CSMD3: variants seen among roughly 807,000 people sequenced by gnomAD.
CSMD3 encodes CUB and Sushi multiple domains 3.
In CSMD3, 177 loss-of-function variants were observed where a neutral mutation model predicts 435.2. The ratio of observed to expected loss-of-function variants is 0.41; its 90% CI spans 0.36 to 0.46. The LOEUF (loss-of-function observed/expected upper bound fraction) is 0.46. Among genes scored for constraint, CSMD3 ranks in the 20% least tolerant of loss-of-function variants. CSMD3 has a pLI of 0.34. For synonymous variants in CSMD3, 1,656 were observed against 1,520.5 expected (o/e 1.09, Z -2.07); for missense variants, 4,265 against 4,504.6 (o/e 0.95, Z 1.52).
At chr8:113,236,593 G>C (rs2093153039) in intron 3 of CSMD3, among the ~76,000 whole-genome samples, 1 of 151,700 alleles carries the variant, frequency 6.6e-6, no homozygotes, top group South Asian at 2.1e-4. Context: ...AGTCTCTTCA[G>C]TCTTTGGACT....
At chr8:112,611,860 G>GTA (rs940923066) in intron 22 of CSMD3, among the ~76,000 whole-genome samples, 1 of 152,126 alleles carries the variant, frequency 6.6e-6, no homozygotes, top group African/African-American at 2.4e-5. Flanking sequence ...ATCTAAGCAT[G>GTA]TAAAATATAG....
intron 12 of CSMD3, among the ~76,000 whole-genome samples, chr8:112,812,108 ACTGT>A (rs2079243997): frequency 6.6e-6 from 1 of 152,176 alleles, no homozygotes. Flanking sequence ...CAGTTATTAA[ACTGT>A]CTATCTAATT....
chr8:113,289,496 C>G (rs556360453), intron 2 of CSMD3, among the ~76,000 whole-genome samples: 1 of 144,030 alleles, frequency 6.9e-6, no homozygotes. Context: ...AAATTATGAC[C>G]GAGAGAGAGG....
intron 3 of CSMD3, among the ~76,000 whole-genome samples, chr8:113,254,979 AG>A (rs2093367440): frequency 1.3e-5 from 2 of 152,168 alleles, no homozygotes; most frequent in South Asian, 4.1e-4. Context: ...GAAAATAATG[AG>A]TACTTAAAAA....
intron 10 of CSMD3, among the ~76,000 whole-genome samples, chr8:112,876,723 C>G (rs1386609367): frequency 1.3e-5 from 2 of 152,108 alleles, no homozygotes; most frequent in Non-Finnish European, 2.9e-5. Context: ...TCTCTCACTA[C>G]TCGTATTCAA....
intron 10 of CSMD3, among the ~76,000 whole-genome samples, chr8:112,913,425 G>A (rs1282800837): frequency 6.6e-6 from 1 of 151,898 alleles, no homozygotes; most frequent in Admixed American, 6.6e-5. Context: ...ACCTCCTGCT[G>A]TGTGAGCCTG....
chr8:113,187,855 A>G (rs1356629570), intron 3 of CSMD3, among the ~76,000 whole-genome samples: 2 of 151,944 alleles, frequency 1.3e-5, no homozygotes, highest in Non-Finnish European at 2.9e-5. Flanking sequence ...GATCCTACAC[A>G]ATCCTACCCC....
intron 4 of CSMD3, among the ~76,000 whole-genome samples, chr8:113,107,868 T>C (rs1315725050): frequency 2.0e-5 from 3 of 152,210 alleles, no homozygotes; most frequent in Non-Finnish European, 2.9e-5. Flanking sequence ...GTTCATATTA[T>C]ATCTGTTACT....
chr8:113,033,569 A>ATTTTTTTTTTTTTTTTTT (rs1285513451), intron 5 of CSMD3, among the ~76,000 whole-genome samples: 3 of 106,828 alleles, frequency 2.8e-5, no homozygotes, highest in Non-Finnish European at 4.1e-5. Context: ...TTTGATTTTG[A>ATTTTTTTTTTTTTTTTTT]TTTTTTTTTT....
chr8:112,651,605 T>C (rs2075128773), intron 18 of CSMD3, among the ~76,000 whole-genome samples: 1 of 151,620 alleles, frequency 6.6e-6, no homozygotes, highest in Admixed American at 6.6e-5. Flanking sequence ...TGGCGTGATC[T>C]CGGCTCACTG....
In CSMD3 at chr8:112,975,964, A is replaced by G. The variant is rs2130933252; in HGVS notation, c.1215T>C (p.Gly405=). Residue 405 remains glycine (G), a synonymous_variant, in exon 7 of 71, where the codon GGT becomes GGC. Coordinates refer to ENST00000297405, the MANE Select transcript of CSMD3 (RefSeq NM_198123.2). The part of the protein sequence containing the change: ...RVQVTSLRNS[G]LDPNTSKDGL... ...CGTCCTTGGACGTGTTGGGGTCCAG[A>G]CCTGAATTTCTGAGACTCGTAACTT... The G allele has an allele frequency of 6.2e-7, 1 of 1,613,966 alleles. No homozygotes were observed.
intron 4 of CSMD3, among the ~76,000 whole-genome samples, chr8:113,162,840 T>C (rs868680190): frequency 1.3e-5 from 2 of 152,026 alleles, no homozygotes; most frequent in South Asian, 2.1e-4. Context: ...AGAGAGGCAA[T>C]ACAGTATAAA....
chr8:113,085,726 A>T (rs1459872001), intron 5 of CSMD3, among the ~76,000 whole-genome samples: 3 of 152,210 alleles, frequency 2.0e-5, no homozygotes, highest in Admixed American at 6.5e-5. Context: ...GCTAAAAAAA[A>T]TGGTGCTCAT....
intron 36 of CSMD3, among the ~76,000 whole-genome samples, chr8:112,384,278 T>G (rs1829744285): frequency 1.3e-5 from 2 of 152,194 alleles, no homozygotes; most frequent in African/African-American, 4.8e-5. Flanking sequence ...TCAAATGAAT[T>G]TTTAAAAATT....
In CSMD3 at chr8:112,656,148, A is replaced by T. The variant is rs2131660570; in HGVS notation, c.3004+6T>A. 1 of 1,483,032 alleles carries T rather than the reference A, an allele frequency of 6.7e-7. No homozygotes were observed. The highest frequency in any genetic ancestry group is 9.4e-7 in the Non-Finnish European group (1 of 1,061,656). 91.9% of individuals were successfully genotyped at this position (1,483,032 alleles called of 1,614,324 possible). On this transcript the variant is annotated splice_donor_region_variant and intron_variant, in intron 18 of 70. Transcript: ENST00000297405. ...GAGGAAATCAAAAAGTTTTATCATT[A>T]CTTACTTTCATAATGAATCTTGAAA...
chr8:112,786,841 A>T (rs1426514160), intron 13 of CSMD3, among the ~76,000 whole-genome samples: 4 of 152,040 alleles, frequency 2.6e-5, no homozygotes, highest in Non-Finnish European at 2.9e-5. Flanking sequence ...GCATGCATAA[A>T]CCCAAAATCT....
intron 13 of CSMD3, among the ~76,000 whole-genome samples, chr8:112,774,054 G>C (rs957768585): frequency 6.6e-6 from 1 of 151,936 alleles, no homozygotes; most frequent in Non-Finnish European, 1.5e-5. Context: ...AAATAAAAGA[G>C]AACATATCAG....
intron 3 of CSMD3, among the ~76,000 whole-genome samples, chr8:113,181,102 A>G (rs1219569015): frequency 1.3e-5 from 2 of 151,944 alleles, no homozygotes; most frequent in Non-Finnish European, 2.9e-5. Flanking sequence ...GCTAGAAAAG[A>G]AATAAGAGCA....
At chr8:112,969,323 G>A (rs940603360) in intron 7 of CSMD3, among the ~76,000 whole-genome samples, 4 of 151,894 alleles carry the variant, frequency 2.6e-5, no homozygotes, top group Admixed American at 6.6e-5. Context: ...TAAAATAAAC[G>A]TTTTATGCTG....
Sources: gnomAD v4.1 joint callset for allele counts (sites outside exome capture counted in the v4.1 genomes callset) on GRCh38, gnomAD v4.1.1 for gene constraint, MANE v1.5 for transcripts, NCBI Gene and HGNC (gene_info 2026-07-23, HGNC 2026-07-21) for gene names.